Variants in CD82 observed in about 807,000 individuals in gnomAD.
The protein encoded by CD82 is CD82 antigen.
CD82 carries 36 observed loss-of-function variants against 37.4 expected under a neutral mutation model. That is an observed-to-expected ratio of 0.96 (90% CI 0.74 to 1.27). The LOEUF (loss-of-function observed/expected upper bound fraction) is 1.27, where lower values mean the gene tolerates loss of function less well. CD82 is among the 50% of genes most tolerant of loss of function. The probability of loss-of-function intolerance (pLI) is 0.00; values close to 1 mark genes in which losing one functional copy is unlikely to be tolerated. For missense variants in CD82, 340 were observed against 347.0 expected, an observed-to-expected ratio of 0.98 and a Z score of 0.16; for synonymous variants, 158 against 137.4, an observed-to-expected ratio of 1.15 and a Z score of -1.05.
At chr11:44,585,230 A>AG (rs1366573980) in intron 1 of CD82, 1 of 456,200 alleles carries the variant, frequency 2.2e-6, no homozygotes, top group East Asian at 6.9e-5. Flanking sequence ...CAGGCCTCAG[A>AG]GGGCTTCAGA....
At chr11:44,606,451 G>A (rs1853397401) in intron 6 of CD82, 1 of 138,448 alleles carries the variant, frequency 7.2e-6, no homozygotes, top group Non-Finnish European at 1.5e-5. Flanking sequence ...TGGGGCAACA[G>A]AGTGAGACCC....
chr11:44,583,267 G>A (rs1252496970), intron 1 of CD82, among the ~76,000 whole-genome samples: 1 of 152,248 alleles, frequency 6.6e-6, no homozygotes, highest in African/African-American at 2.4e-5. Context: ...TGGCTGCATG[G>A]GGTCCAGGCA....
chr11:44,590,064 A>G (rs1162070880), intron 2 of CD82, among the ~76,000 whole-genome samples: 1 of 149,574 alleles, frequency 6.7e-6, no homozygotes, highest in Non-Finnish European at 1.5e-5. Flanking sequence ...CGATCTCCTC[A>G]CCTCGTGATC....
chr11:44,600,434 C>T (rs149293292), intron 4 of CD82, among the ~76,000 whole-genome samples: 3 of 152,210 alleles, frequency 2.0e-5, no homozygotes, highest in Admixed American at 6.5e-5. Flanking sequence ...TCTTCTTCCC[C>T]GAACAAAGCT....
At chr11:44,618,832 G>A in intron 9 of CD82, 109 bp downstream of exon 9, 2 of 950,164 alleles carry the variant, frequency 2.1e-6, no homozygotes, top group South Asian at 3.1e-5. Context: ...CACCCCATCA[G>A]CTTCCAGAGG....
At chr11:44,588,632 A>G (rs945073743) in intron 2 of CD82, among the ~76,000 whole-genome samples, 1 of 152,198 alleles carries the variant, frequency 6.6e-6, no homozygotes. Context: ...ACTGCATTCA[A>G]ATCCAAGGCA....
chr11:44,615,433 C>T, intron 7 of CD82, 60 bp downstream of exon 7: 1 of 1,003,104 alleles, frequency 1.0e-6, no homozygotes, highest in Non-Finnish European at 1.6e-6. Flanking sequence ...ATTTGGGGCT[C>T]TGTGCACCCA....
chr11:44,570,256 A>G (rs1448672972), intron 1 of CD82, among the ~76,000 whole-genome samples: 2 of 151,790 alleles, frequency 1.3e-5, no homozygotes, highest in Non-Finnish European at 2.9e-5. Context: ...CAAGCCCCTC[A>G]TTGCCCTTCA....
intron 6 of CD82, among the ~76,000 whole-genome samples, chr11:44,613,035 G>A (rs1853508869): frequency 6.6e-6 from 1 of 152,154 alleles, no homozygotes; most frequent in South Asian, 2.1e-4. Flanking sequence ...TTCAAGGACT[G>A]CCCATGGGGA....
At chr11:44,568,996 G>A (rs529190414) in intron 1 of CD82, among the ~76,000 whole-genome samples, 90 of 152,332 alleles carry the variant, frequency 5.9e-4, no homozygotes, top group African/African-American at 1.9e-3. Context: ...CACAGGGGGC[G>A]GTTATGACTT....
intron 6 of CD82, chr11:44,606,034 A>G (rs1339456403): frequency 6.6e-6 from 1 of 152,614 alleles, no homozygotes; most frequent in African/African-American, 2.4e-5. Context: ...CTGGTTTGGA[A>G]GCTCAGAGGC....
chr11:44,595,152 C>T (rs546608919), intron 3 of CD82, among the ~76,000 whole-genome samples: 8 of 152,346 alleles, frequency 5.3e-5, no homozygotes, highest in African/African-American at 1.9e-4. Context: ...CCCTATCACA[C>T]CCCCGTCCCT....
intron 6 of CD82, among the ~76,000 whole-genome samples, chr11:44,611,855 A>G (rs1853486402): frequency 7.2e-6 from 1 of 139,624 alleles, no homozygotes; most frequent in Non-Finnish European, 1.6e-5. Context: ...GAAACCACCC[A>G]TCTAGGTGGA....
chr11:44,583,673 A>G (rs1853012837), intron 1 of CD82, among the ~76,000 whole-genome samples: 1 of 152,222 alleles, frequency 6.6e-6, no homozygotes, highest in Non-Finnish European at 1.5e-5. Flanking sequence ...TAGCTTAGCC[A>G]CTTGTGTGGC....
At chr11:44,600,958 G>A (rs965652010) in intron 4 of CD82, among the ~76,000 whole-genome samples, 1 of 152,208 alleles carries the variant, frequency 6.6e-6, no homozygotes, top group Non-Finnish European at 1.5e-5. Flanking sequence ...GCCACAGTGT[G>A]GAAACCCCTT....
At chr11:44,613,658 G>A (rs7930904) in intron 6 of CD82, among the ~76,000 whole-genome samples, 64,469 of 151,672 alleles carry the variant, frequency 0.43, 14,387 homozygotes, top group East Asian at 0.53. Context: ...CCCTGTCCCT[G>A]CTAAAAATAC....
rs116277160 is a variant in CD82, at chr11:44,578,660, C to T, written c.-102-8815C>T. ...GGACTCACTATCCTCTCTGCCTGCC[C>T]CAGCTCTCAGTGGATGTCAAATTCT... On this transcript the variant is annotated intron_variant, in intron 1 of 9. Coordinates refer to ENST00000227155, the MANE Select transcript of CD82 (RefSeq NM_002231.4). Among the ~76,000 whole-genome samples, 424 of 152,322 alleles carry T rather than the reference C, an allele frequency of 2.8e-3. 3 individuals are homozygous for T. Among genetic ancestry groups the T allele is most frequent in the African/African-American group, 9.8e-3 (407 of 41,580 alleles).
chr11:44,615,154 C>T, intron 6 of CD82, 118 bp from the exon 7 acceptor site: 1 of 684,040 alleles, frequency 1.5e-6, no homozygotes. Flanking sequence ...TGGCTGGAGC[C>T]ATGAGCGTGT....
chr11:44,594,717 ATCT>A lies in CD82; in HGVS notation c.60_62del (p.Phe21del), dbSNP rs1208051364. The A allele has an allele frequency of 3.1e-6, 5 of 1,613,172 alleles. No individual in the cohort carries two copies. The highest frequency in any genetic ancestry group is 4.2e-6 in the Non-Finnish European group (5 of 1,179,350). ...ATACTTTCTCTTCCTCTTCAACTTG[ATCT>A]TCTTTGTAAGTATGTCCCATGCCGT... On this transcript the variant is annotated inframe_deletion, in exon 3 of 10. Transcript: ENST00000227155.
Sources: allele counts gnomAD v4.1 joint callset (sites outside exome capture counted in the v4.1 genomes callset), GRCh38; gene constraint gnomAD v4.1.1; transcripts MANE v1.5; gene names NCBI Gene and HGNC (gene_info 2026-07-23, HGNC 2026-07-21).